Variants in PLXNA4 observed in about 807,000 individuals in gnomAD.
PLXNA4 encodes plexin A4.
Under a neutral mutation model 191.8 loss-of-function variants are expected in PLXNA4, and 44 were observed. The ratio of observed to expected loss-of-function variants is 0.23; its 90% CI spans 0.18 to 0.29. The LOEUF is 0.29. PLXNA4 is among the 10% of genes least tolerant of loss of function. The pLI is 1.00. For missense variants in PLXNA4, 1,800 were observed against 2,488.8 expected (o/e 0.72, Z 5.89); for synonymous variants, 1,082 against 1,009.5 (o/e 1.07, Z -1.36).
At chr7:132,266,989 C>G (rs1387822859) in intron 4 of PLXNA4, among the ~76,000 whole-genome samples, 1 of 152,202 alleles carries the variant, frequency 6.6e-6, no homozygotes, top group Non-Finnish European at 1.5e-5. Context: ...ATGCCATCAT[C>G]ATCTAGCAGC....
At chr7:132,491,258 T>A (rs1475924178) in intron 2 of PLXNA4, among the ~76,000 whole-genome samples, 1 of 152,220 alleles carries the variant, frequency 6.6e-6, no homozygotes, top group Non-Finnish European at 1.5e-5. Context: ...GTGTCACTTT[T>A]TTAAAGGCTT....
At chr7:132,292,421 C>G (rs543359149) in intron 4 of PLXNA4, among the ~76,000 whole-genome samples, 4 of 152,130 alleles carry the variant, frequency 2.6e-5, no homozygotes, top group Non-Finnish European at 4.4e-5. Context: ...GAGGTAACAC[C>G]CTAGATAGAG....
chr7:132,452,043 G>A (rs1317882152), intron 3 of PLXNA4, among the ~76,000 whole-genome samples: 1 of 152,204 alleles, frequency 6.6e-6, no homozygotes, highest in Non-Finnish European at 1.5e-5. Flanking sequence ...TTCCAAAAAG[G>A]GATGCTGGAA....
intron 5 of PLXNA4, among the ~76,000 whole-genome samples, chr7:132,231,239 G>A (rs1449523822): frequency 6.6e-6 from 1 of 152,080 alleles, no homozygotes; most frequent in Admixed American, 6.6e-5. Context: ...GTTATTATGA[G>A]GATTAAATGA....
intron 3 of PLXNA4, among the ~76,000 whole-genome samples, chr7:132,314,911 A>G (rs1801886357): frequency 6.6e-6 from 1 of 152,202 alleles, no homozygotes; most frequent in African/African-American, 2.4e-5. Flanking sequence ...TTCCTCTCAG[A>G]TTTCTAAGCA....
At chr7:132,647,372 C>T (rs1464611998) in intron 1 of PLXNA4, among the ~76,000 whole-genome samples, 1 of 151,980 alleles carries the variant, frequency 6.6e-6, no homozygotes, top group Non-Finnish European at 1.5e-5. Context: ...TACACACACA[C>T]ATGCAGTCAT....
intron 3 of PLXNA4, among the ~76,000 whole-genome samples, chr7:132,370,901 G>A (rs1177444317): frequency 1.3e-5 from 2 of 152,214 alleles, no homozygotes; most frequent in Non-Finnish European, 2.9e-5. Flanking sequence ...GGTCCCCAGT[G>A]AGGATGCACG....
At chr7:132,592,918 A>C (rs1025244378) in intron 2 of PLXNA4, among the ~76,000 whole-genome samples, 2 of 151,644 alleles carry the variant, frequency 1.3e-5, no homozygotes, top group Non-Finnish European at 2.9e-5. Context: ...TTCTTCATTC[A>C]CCTTGATGTT....
At chr7:132,499,734 C>T (rs1308145306) in intron 2 of PLXNA4, among the ~76,000 whole-genome samples, 1 of 152,130 alleles carries the variant, frequency 6.6e-6, no homozygotes, top group East Asian at 1.9e-4. Context: ...TTTTATTAGC[C>T]CCACTCTCAC....
At chr7:132,363,516 G>T (rs1804031124) in intron 3 of PLXNA4, among the ~76,000 whole-genome samples, 1 of 152,136 alleles carries the variant, frequency 6.6e-6, no homozygotes, top group Admixed American at 6.5e-5. Flanking sequence ...GCACGTATCG[G>T]CATTTCCTTT....
intron 10 of PLXNA4, among the ~76,000 whole-genome samples, chr7:132,206,389 C>A (rs1368347904): frequency 1.3e-5 from 2 of 150,280 alleles, no homozygotes. Context: ...TGTGCCAGAC[C>A]CTTAATATGT....
chr7:132,211,024 G>A lies in PLXNA4; in HGVS notation c.2217C>T (p.Cys739=), dbSNP rs751578933. Residue 739 remains cysteine (C), a synonymous_variant, in exon 10 of 32, where the codon TGC becomes TGT. Coordinates refer to ENST00000321063, the MANE Select transcript of PLXNA4 (RefSeq NM_020911.2). ...QPQSGQRGYE[C]ILNIQGSEQR... is the part of the protein sequence containing the mutation. ...GCTCGCTGCCCTGAATGTTGAGGAT[G>A]CATTCGTAGCCACGCTGCCCAGACT... 16 of 1,614,086 alleles carry A rather than the reference G, an allele frequency of 9.9e-6. 1 individual carries two copies. The highest frequency in any genetic ancestry group is 3.3e-4 in the Middle Eastern group (2 of 6,056).
chr7:132,472,166 C>T (rs1563118815), intron 3 of PLXNA4, among the ~76,000 whole-genome samples: 2 of 152,182 alleles, frequency 1.3e-5, no homozygotes, highest in Non-Finnish European at 1.5e-5. Flanking sequence ...TGCATACTTG[C>T]TTTTTGATCA....
At chr7:132,268,730 G>A (rs2116310892) in intron 4 of PLXNA4, among the ~76,000 whole-genome samples, 1 of 152,298 alleles carries the variant, frequency 6.6e-6, no homozygotes. Flanking sequence ...AGGCTTCCTG[G>A]ATGACAGATC....
chr7:132,138,011 G>A (rs1441848479), intron 30 of PLXNA4, among the ~76,000 whole-genome samples: 1 of 151,968 alleles, frequency 6.6e-6, no homozygotes, highest in Non-Finnish European at 1.5e-5. Context: ...ATGGGTGGGA[G>A]GACAGATGAA....
chr7:132,289,155 A>C (rs913933008), intron 4 of PLXNA4, among the ~76,000 whole-genome samples: 2 of 152,208 alleles, frequency 1.3e-5, no homozygotes. Flanking sequence ...TGGCTTCACT[A>C]TCTTTCAATT....
intron 25 of PLXNA4, among the ~76,000 whole-genome samples, chr7:132,157,670 C>T (rs1293349552): frequency 6.6e-6 from 1 of 152,232 alleles, no homozygotes. Context: ...CTGGACTCTC[C>T]TCCCACCTGA....
intron 3 of PLXNA4, among the ~76,000 whole-genome samples, chr7:132,356,428 C>T (rs1803709370): frequency 6.6e-6 from 1 of 152,168 alleles, no homozygotes; most frequent in Non-Finnish European, 1.5e-5. Context: ...TTGGTCAATG[C>T]TGTTGTTAAA....
chr7:132,243,596 G>A (rs147503685), intron 4 of PLXNA4, among the ~76,000 whole-genome samples: 17 of 152,158 alleles, frequency 1.1e-4, no homozygotes, highest in Middle Eastern at 3.4e-3. Flanking sequence ...TTTTTTGTTG[G>A]GTTGGAAAGA....
Sources: gnomAD v4.1 joint callset for allele counts (sites outside exome capture counted in the v4.1 genomes callset) on GRCh38, gnomAD v4.1.1 for gene constraint, MANE v1.5 for transcripts, NCBI Gene and HGNC (gene_info 2026-07-23, HGNC 2026-07-21) for gene names.